Variants in DCHS2 observed in about 807,000 individuals in gnomAD.
DCHS2 encodes the protein protocadherin-23.
A neutral mutation model predicts 182.4 loss-of-function variants in DCHS2; 142 were observed. That is an observed-to-expected ratio of 0.78 (90% CI 0.68 to 0.89). DCHS2 has a LOEUF of 0.89. Among genes scored for constraint, DCHS2 ranks in the 40% least tolerant of loss-of-function variants. The probability of loss-of-function intolerance (pLI) is 0.00; values close to 1 mark genes in which losing one functional copy is unlikely to be tolerated. For missense variants in DCHS2, 4,319 were observed against 4,198.6 expected, an observed-to-expected ratio of 1.03 and a Z score of -0.79; for synonymous variants, 1,740 against 1,663.3, an observed-to-expected ratio of 1.05 and a Z score of -1.12.
chr4:154,475,000 AATCT>A (rs1735628383), intron 1 of DCHS2, among the ~76,000 whole-genome samples: 1 of 152,124 alleles, frequency 6.6e-6, no homozygotes. Flanking sequence ...TAGGACAATG[AATCT>A]AAAATCAAGT....
intron 1 of DCHS2, among the ~76,000 whole-genome samples, chr4:154,394,753 C>T (rs146883306): frequency 6.6e-6 from 1 of 152,274 alleles, no homozygotes; most frequent in African/African-American, 2.4e-5. Context: ...TGACAATATC[C>T]ACAGATAGAA....
rs62331873 is a variant in DCHS2 at position 154,321,231 on chromosome 4, C to T, written c.4177-9G>A. The T allele has an allele frequency of 0.32, 476,640 of 1,469,356 alleles. 80,393 individuals are homozygous for T. The highest frequency in any genetic ancestry group is 0.39 in the East Asian group (16,770 of 43,156). The allele number at this position is 1,469,356 out of a possible 1,614,324, so 91.0% of individuals were successfully genotyped here. On this transcript the variant is annotated splice_polypyrimidine_tract_variant and intron_variant, in intron 8 of 19. Coordinates refer to ENST00000357232, the MANE Select transcript of DCHS2 (RefSeq NM_001358235.2). Reference sequence around the variant, plus strand: ...TTGGATAGTGGGATCACCTGAAATACGAATAAAAGAGATATTAATTTGGGG... The same window carrying T: ...TTGGATAGTGGGATCACCTGAAATATGAATAAAAGAGATATTAATTTGGGG...
intron 12 of DCHS2, among the ~76,000 whole-genome samples, chr4:154,299,604 T>C (rs186873418): frequency 6.6e-6 from 1 of 152,254 alleles, no homozygotes; most frequent in East Asian, 1.9e-4. Context: ...TAGGTAGCTT[T>C]AGGGAGGAGG....
intron 2 of DCHS2, 54 bp downstream of exon 2, chr4:154,377,199 A>G (rs1730942869): frequency 1.3e-6 from 2 of 1,543,348 alleles, no homozygotes; most frequent in Non-Finnish European, 8.8e-7. Context: ...TGATGTATAC[A>G]CAGTGGCTCA....
chr4:154,413,222 C>A (rs1217657571), intron 1 of DCHS2, among the ~76,000 whole-genome samples: 1 of 152,134 alleles, frequency 6.6e-6, no homozygotes, highest in Non-Finnish European at 1.5e-5. Context: ...CAACTATTAA[C>A]AATCTATCCA....
intron 3 of DCHS2, among the ~76,000 whole-genome samples, chr4:154,345,945 A>G (rs2111395678): frequency 6.6e-6 from 1 of 152,338 alleles, no homozygotes; most frequent in African/African-American, 2.4e-5. Flanking sequence ...GAGGCTGGGA[A>G]GCCCAAGATC....
intron 1 of DCHS2, among the ~76,000 whole-genome samples, chr4:154,478,689 A>G (rs72725354): frequency 0.17 from 25,325 of 152,126 alleles, 2,566 homozygotes; most frequent in Admixed American, 0.28. Flanking sequence ...TACATAAACT[A>G]TGCCCAAATT....
chr4:154,426,122 GC>G (rs1395221092), intron 1 of DCHS2, among the ~76,000 whole-genome samples: 5 of 152,070 alleles, frequency 3.3e-5, no homozygotes, highest in Non-Finnish European at 2.9e-5. Flanking sequence ...TCTTCCAGGG[GC>G]TTCAACACTG....
intron 1 of DCHS2, among the ~76,000 whole-genome samples, chr4:154,398,480 T>C (rs536352450): frequency 6.6e-6 from 1 of 152,272 alleles, no homozygotes; most frequent in South Asian, 2.1e-4. Context: ...GCCCCAGCCC[T>C]TTGACTGTGA....
At chr4:154,309,772 C>G (rs553071639) in intron 10 of DCHS2, among the ~76,000 whole-genome samples, 1 of 152,094 alleles carries the variant, frequency 6.6e-6, no homozygotes, top group Non-Finnish European at 1.5e-5. Context: ...AGTGCTGTCA[C>G]GATTAATTAA....
chr4:154,352,249 G>C (rs1022104649), intron 3 of DCHS2, among the ~76,000 whole-genome samples: 1 of 152,172 alleles, frequency 6.6e-6, no homozygotes, highest in African/African-American at 2.4e-5. Flanking sequence ...ACCCCAACCT[G>C]CCAGACTAAA....
At chr4:154,289,000 C>T (rs1734533031) in intron 13 of DCHS2, among the ~76,000 whole-genome samples, 1 of 151,878 alleles carries the variant, frequency 6.6e-6, no homozygotes, top group Admixed American at 6.6e-5. Flanking sequence ...AACAATCTAA[C>T]AATGCATCTT....
At chr4:154,473,348 G>T (rs754892149) in intron 1 of DCHS2, among the ~76,000 whole-genome samples, 4 of 152,196 alleles carry the variant, frequency 2.6e-5, no homozygotes, top group African/African-American at 9.7e-5. Context: ...GCCGCTATCT[G>T]GTTGGTCATT....
At chr4:154,336,259 C>T (rs1401333642) in intron 3 of DCHS2, among the ~76,000 whole-genome samples, 2 of 152,044 alleles carry the variant, frequency 1.3e-5, no homozygotes, top group African/African-American at 2.4e-5. Context: ...GGAAGAGATT[C>T]GGTAATACTG....
chr4:154,235,466 C>A lies in DCHS2; in HGVS notation c.9186G>T (p.Val3062=), dbSNP rs768958497. ...FQKTDDCSNE[V]VPVDATPEWL... is the part of the protein sequence containing the mutation. ...ATTCCGGAGTGGCATCCACAGGGAC[C>A]ACCTCGTTACTGCAGTCGTCAGTTT... Residue 3062 remains valine, a synonymous_variant, in exon 20 of 20, where the codon GTG becomes GTT. Coordinates refer to ENST00000357232, the MANE Select transcript of DCHS2 (RefSeq NM_001358235.2). 2.5e-6 allele frequency: 4 copies of A among 1,614,034 alleles called. No individual in the cohort carries two copies. In the South Asian group the frequency reaches 4.4e-5, roughly 18 times the overall value.
chr4:154,433,381 GT>G (rs371333630), intron 1 of DCHS2, among the ~76,000 whole-genome samples: 48 of 127,580 alleles, frequency 3.8e-4, no homozygotes, highest in African/African-American at 9.7e-4. Context: ...CAAATAACTA[GT>G]TTTTTTTTTT....
chr4:154,237,400 G>A, intron 19 of DCHS2: 1 of 452,528 alleles, frequency 2.2e-6, no homozygotes, highest in Non-Finnish European at 3.4e-6. Context: ...GCTGCTTGAG[G>A]TTGCTGTTGC....
intron 10 of DCHS2, among the ~76,000 whole-genome samples, chr4:154,313,143 C>G (rs1453153029): frequency 6.6e-6 from 1 of 152,076 alleles, no homozygotes; most frequent in Non-Finnish European, 1.5e-5. Context: ...CGTTTGACAC[C>G]TTTGAGCGAA....
At chr4:154,483,496 A>G (rs1279788621) in intron 1 of DCHS2, among the ~76,000 whole-genome samples, 2 of 152,190 alleles carry the variant, frequency 1.3e-5, no homozygotes, top group Non-Finnish European at 2.9e-5. Context: ...ATGAGACCAA[A>G]TTGCCTGGAT....
Sources: allele counts gnomAD v4.1 joint callset (sites outside exome capture counted in the v4.1 genomes callset), GRCh38; gene constraint gnomAD v4.1.1; transcripts MANE v1.5; gene names NCBI Gene and HGNC (gene_info 2026-07-23, HGNC 2026-07-21).